Variants in ZFHX3 observed in about 807,000 individuals in gnomAD.
ZFHX3 encodes the protein zinc finger homeobox 3.
In ZFHX3, 42 loss-of-function variants were observed where a neutral mutation model predicts 279.1. That is an observed-to-expected ratio of 0.15 (90% CI 0.12 to 0.19). ZFHX3 has a LOEUF of 0.19. Among genes scored for constraint, ZFHX3 ranks in the 10% least tolerant of loss-of-function variants. ZFHX3 has a pLI of 1.00. For missense variants in ZFHX3, 4,981 were observed against 4,754.0 expected, an observed-to-expected ratio of 1.05 and a Z score of -1.40; for synonymous variants, 2,293 against 1,957.8, an observed-to-expected ratio of 1.17 and a Z score of -4.52.
At chr16:73,174,050 C>T (rs1266533158) in intron 5 of ZFHX3, among the ~76,000 whole-genome samples, 1 of 152,136 alleles carries the variant, frequency 6.6e-6, no homozygotes, top group Non-Finnish European at 1.5e-5. Context: ...AGTGTGTGAG[C>T]GTCCTCAAGG....
At chr16:73,539,892 C>T (rs972736911) in intron 2 of ZFHX3, among the ~76,000 whole-genome samples, 3 of 152,166 alleles carry the variant, frequency 2.0e-5, no homozygotes, top group Non-Finnish European at 2.9e-5. Context: ...AATTGCTTTT[C>T]GACGCCCAGT....
At chr16:73,394,372 C>T (rs972648564) in intron 3 of ZFHX3, among the ~76,000 whole-genome samples, 2 of 152,024 alleles carry the variant, frequency 1.3e-5, no homozygotes, top group Admixed American at 1.3e-4. Context: ...TCTTGGCCCA[C>T]TGCAACCTCC....
At chr16:73,734,937 T>C (rs578082868) in intron 1 of ZFHX3, among the ~76,000 whole-genome samples, 53 of 152,216 alleles carry the variant, frequency 3.5e-4, no homozygotes, top group Non-Finnish European at 6.5e-4. Flanking sequence ...TATTATTTTA[T>C]TTTCCAGGAG....
At chr16:73,121,513 C>G (rs1966498624) in intron 7 of ZFHX3, among the ~76,000 whole-genome samples, 1 of 152,160 alleles carries the variant, frequency 6.6e-6, no homozygotes, top group Non-Finnish European at 1.5e-5. Context: ...TCCTTGAGAA[C>G]AGTTTTCCCA....
chr16:73,380,387 G>A (rs7184142), intron 3 of ZFHX3, among the ~76,000 whole-genome samples: 3,413 of 152,220 alleles, frequency 0.022, 130 homozygotes, highest in African/African-American at 0.078. Context: ...TAGGTAACTT[G>A]CTATGGTTAT....
chr16:73,057,830 G>C (rs1374023022), intron 1 of ZFHX3, among the ~76,000 whole-genome samples: 1 of 150,530 alleles, frequency 6.6e-6, no homozygotes, highest in African/African-American at 2.4e-5. Context: ...CCGGCAAGTC[G>C]AGCCCCAGCG....
At chr16:73,760,744 T>C (rs1435976830) in intron 1 of ZFHX3, among the ~76,000 whole-genome samples, 1 of 152,112 alleles carries the variant, frequency 6.6e-6, no homozygotes, top group Non-Finnish European at 1.5e-5. Flanking sequence ...TCTCAATAGA[T>C]GCAGAAAAGG....
intron 2 of ZFHX3, among the ~76,000 whole-genome samples, chr16:73,633,462 C>G (rs553902513): frequency 4.9e-4 from 74 of 152,300 alleles, no homozygotes; most frequent in Non-Finnish European, 9.1e-4. Context: ...TAAAACCACC[C>G]TCAGGCCGGG....
chr16:73,517,095 G>A (rs1183829137), intron 2 of ZFHX3, among the ~76,000 whole-genome samples: 2 of 152,142 alleles, frequency 1.3e-5, no homozygotes, highest in African/African-American at 4.8e-5. Context: ...GGCTGAGCGG[G>A]TCTGTTTTCC....
At chr16:73,470,310 A>T (rs1469507317) in intron 2 of ZFHX3, among the ~76,000 whole-genome samples, 1 of 152,112 alleles carries the variant, frequency 6.6e-6, no homozygotes, top group Non-Finnish European at 1.5e-5. Context: ...CCGGACAGAA[A>T]CCCAGGCCAT....
In ZFHX3 at chr16:72,793,035, G is replaced by A. The variant is rs1265680292; in HGVS notation, c.9427+220C>T. On this transcript the variant is annotated intron_variant, in intron 9 of 9. Transcript: ENST00000268489. This position sits in a 1 kb window ranked among gnomAD's most constrained non-coding sequence, Gnocchi z 4.3. The stretch of plus-strand genomic sequence containing the variant: ...TTTCCCTATTATAGGGGATAAGAGT[G>A]GTTTCAAAGGAGACTGTTCCGACCA... Among the ~76,000 whole-genome samples the A allele has an allele frequency of 6.6e-6, 1 of 152,228 alleles. No homozygotes were observed. Among genetic ancestry groups the A allele is most frequent in the Non-Finnish European group, 1.5e-5 (1 of 68,040 alleles).
chr16:73,669,225 T>C (rs1006981309), intron 2 of ZFHX3, among the ~76,000 whole-genome samples: 3 of 152,186 alleles, frequency 2.0e-5, no homozygotes, highest in African/African-American at 7.2e-5. Context: ...TGCTAATTTT[T>C]GTATTTTTAG....
Position 72,788,830 on chromosome 16 carries a change from G to C in ZFHX3, c.9446C>G (p.Pro3149Arg), listed in dbSNP as rs753461356. The change falls in exon 10 of 10, where the codon CCG becomes CGG. Residue 3149 changes from proline (P) to arginine (R), a missense_variant. Around this residue, in one of 7 missense-constraint regions of ZFHX3, gnomAD observed 1,034 missense variants for 786.0 expected, o/e 1.32. Coordinates refer to ENST00000268489, the MANE Select transcript of ZFHX3 (RefSeq NM_006885.4). Reference protein sequence around the residue: ...PSNTALTSPKPNLMGLPSTTV... With the variant: ...PSNTALTSPKRNLMGLPSTTV... The stretch of plus-strand genomic sequence containing the variant: ...TGTGCTGGGCAGACCCATCAAGTTC[G>C]GCTTAGGAGACGTTAAAGCTGAAAG... 2.0e-6 allele frequency: 3 copies of C among 1,520,992 alleles called. No homozygotes were observed. Among genetic ancestry groups the C allele is most frequent in the African/African-American group, 1.4e-5 (1 of 71,762 alleles). 94.2% of individuals were successfully genotyped at this position (1,520,992 alleles called of 1,614,324 possible).
At chr16:73,052,733 G>A (rs1965473356), upstream of ZFHX3, among the ~76,000 whole-genome samples, 1 of 152,146 alleles carries the variant, frequency 6.6e-6, no homozygotes, top group South Asian at 2.1e-4. Context: ...AAAACAAAGA[G>A]GTTAAAAAAA....
chr16:73,556,295 G>A (rs999628593), intron 2 of ZFHX3, among the ~76,000 whole-genome samples: 2 of 152,138 alleles, frequency 1.3e-5, no homozygotes, highest in Non-Finnish European at 2.9e-5. Flanking sequence ...ACAAGGATCC[G>A]AAGGAGAGAA....
At chr16:73,846,544 A>T (rs1409002142) in intron 1 of ZFHX3, among the ~76,000 whole-genome samples, 3 of 152,166 alleles carry the variant, frequency 2.0e-5, no homozygotes, top group Non-Finnish European at 4.4e-5. Flanking sequence ...AGGCTTTGCG[A>T]GTGGCCCTAT....
At chr16:73,175,776 A>G (rs1469795479) in intron 5 of ZFHX3, among the ~76,000 whole-genome samples, 2 of 152,116 alleles carry the variant, frequency 1.3e-5, no homozygotes, top group African/African-American at 4.8e-5. Context: ...GATCTTCTCT[A>G]ACCAGTCTAT....
intron 1 of ZFHX3, among the ~76,000 whole-genome samples, chr16:73,766,458 G>T (rs184967913): frequency 2.0e-5 from 3 of 152,172 alleles, no homozygotes; most frequent in Non-Finnish European, 1.5e-5. Context: ...AGGGACAGCA[G>T]CATCTCTTTG....
At chr16:73,140,676 C>T (rs1481045373) in intron 6 of ZFHX3, among the ~76,000 whole-genome samples, 2 of 152,028 alleles carry the variant, frequency 1.3e-5, no homozygotes, top group Admixed American at 1.3e-4. Flanking sequence ...GCCAACATGG[C>T]GTAACCCTGT....
Sources: gnomAD v4.1 joint callset for allele counts (sites outside exome capture counted in the v4.1 genomes callset) on GRCh38, gnomAD v4.1.1 for gene constraint, gnomAD v4.1.1 regional missense constraint, Gnocchi (gnomAD v3.1) non-coding constraint, MANE v1.5 for transcripts, NCBI Gene and HGNC (gene_info 2026-07-23, HGNC 2026-07-21) for gene names.